The following SGSM1 variants were observed in gnomAD, a reference collection of about 807,000 sequenced individuals.
The protein encoded by SGSM1 is small G protein signaling modulator 1.
SGSM1 carries 73 observed loss-of-function variants against 133.8 expected under a neutral mutation model. That is an observed-to-expected ratio of 0.55 (90% CI 0.45 to 0.66). The LOEUF is 0.66. Ranked by LOEUF, SGSM1 falls within the 30% of genes least tolerant of loss-of-function variation. SGSM1 has a pLI of 0.00. For synonymous variants in SGSM1, 563 were observed against 573.0 expected, an observed-to-expected ratio of 0.98 and a Z score of 0.25; for missense variants, 1,213 against 1,448.1, an observed-to-expected ratio of 0.84 and a Z score of 2.64.
intron 22 of SGSM1, among the ~76,000 whole-genome samples, chr22:24,914,912 G>T (rs571195389): frequency 2.6e-5 from 4 of 152,060 alleles, no homozygotes; most frequent in Admixed American, 6.6e-5. Flanking sequence ...TGGGGAATTT[G>T]GGGTTTTGTT....
At chr22:24,850,502 C>G (rs753397173) in intron 5 of SGSM1, 70 bp downstream of exon 5, 37 of 1,573,170 alleles carry the variant, frequency 2.4e-5, no homozygotes, top group Non-Finnish European at 3.2e-5. Flanking sequence ...AAATTGCACC[C>G]CCTGGCACAA....
chr22:24,879,612 C>G, intron 14 of SGSM1, 86 bp downstream of exon 14: 1 of 1,352,490 alleles, frequency 7.4e-7, no homozygotes, highest in East Asian at 2.5e-5. Context: ...AAGATACTGG[C>G]TCTGGAGTTT....
chr22:24,859,883 T>C, intron 9 of SGSM1, 43 bp downstream of exon 9: 2 of 1,609,610 alleles, frequency 1.2e-6, no homozygotes, highest in Non-Finnish European at 1.7e-6. Context: ...GTCCCTCCAC[T>C]CGCCTTGGCA....
chr22:24,859,350 C>T (rs1477478340), intron 8 of SGSM1, among the ~76,000 whole-genome samples: 1 of 152,128 alleles, frequency 6.6e-6, no homozygotes, highest in Non-Finnish European at 1.5e-5. Context: ...TAAGCCTAGC[C>T]AAGATAAATG....
At chr22:24,912,538 C>A (rs557811133) in intron 21 of SGSM1, 105 bp from the exon 22 acceptor site, 2 of 749,204 alleles carry the variant, frequency 2.7e-6, no homozygotes, top group East Asian at 5.5e-5. Context: ...AGGTCCACCC[C>A]CAACATTGGA....
At chr22:24,863,929 C>G (rs1461277297) in intron 9 of SGSM1, among the ~76,000 whole-genome samples, 1 of 151,688 alleles carries the variant, frequency 6.6e-6, no homozygotes, top group Non-Finnish European at 1.5e-5. Flanking sequence ...TTAGTAGAGA[C>G]GGGGTTTTTC....
chr22:24,817,050 G>A (rs770764540), intron 2 of SGSM1, among the ~76,000 whole-genome samples: 5 of 152,116 alleles, frequency 3.3e-5, no homozygotes, highest in Non-Finnish European at 5.9e-5. Context: ...GTAAGGAAAC[G>A]GACACCAGAG....
chr22:24,812,912 C>T (rs1284068666), intron 2 of SGSM1, among the ~76,000 whole-genome samples: 7 of 152,024 alleles, frequency 4.6e-5, no homozygotes, highest in Non-Finnish European at 1.0e-4. Flanking sequence ...TGCTCATATG[C>T]CCTCATTCAG....
At chr22:24,849,162 G>A (rs1930312767) in intron 4 of SGSM1, among the ~76,000 whole-genome samples, 1 of 151,774 alleles carries the variant, frequency 6.6e-6, no homozygotes, top group African/African-American at 2.4e-5. Context: ...TCCTCTATAC[G>A]TCAGCCAGTG....
intron 18 of SGSM1, 113 bp from the exon 19 acceptor site, chr22:24,897,859 A>C (rs1361810266): frequency 1.1e-6 from 1 of 910,306 alleles, no homozygotes; most frequent in Non-Finnish European, 1.7e-6. Flanking sequence ...ATTCCACTGC[A>C]TGCTTGATCC....
In SGSM1 at chr22:24,927,188, T is replaced by C. The variant is rs2123763313; in HGVS notation, c.*2914T>C. ...TGTCTGTGGTCAGCTGATGTCCAGA[T>C]AGGCAACTCTGCTTCTGATGGTTGT... On this transcript the variant is annotated 3_prime_UTR_variant, in exon 25 of 25. Coordinates refer to ENST00000400358, the MANE Select transcript of SGSM1 (RefSeq NM_001098497.3). The C allele has an allele frequency of 6.6e-6, 1 of 152,332 alleles. No homozygotes were observed. The highest frequency in any genetic ancestry group is 1.5e-5 in the Non-Finnish European group (1 of 68,040). 9.4% of individuals were successfully genotyped at this position (152,332 alleles called of 1,614,324 possible). A position where few individuals can be genotyped will look rare whatever the true frequency, so the allele number is the denominator to read the frequency against.
At chr22:24,898,673 A>T (rs1410590478) in intron 19 of SGSM1, 114 bp downstream of exon 19, 1 of 1,038,018 alleles carries the variant, frequency 9.6e-7, no homozygotes, top group East Asian at 2.5e-5. Context: ...GGTTCGTTGC[A>T]TTTTTTCCGT....
intron 18 of SGSM1, 23 bp from the exon 19 acceptor site, chr22:24,897,949 G>GT (rs1384408854): frequency 1.3e-6 from 2 of 1,561,178 alleles, no homozygotes; most frequent in Non-Finnish European, 1.7e-6. Flanking sequence ...CGGTCCATCT[G>GT]TTTTTGTGCA....
rs920896189 is a variant in SGSM1, at chr22:24,844,975, G to A, written c.139+3G>A. On this transcript the variant is annotated splice_donor_region_variant and intron_variant, in intron 3 of 24. Coordinates refer to ENST00000400358, the MANE Select transcript of SGSM1 (RefSeq NM_001098497.3). ...CAGCCACATCATCTCCTTCTGTGGT[G>A]AGTCTGTGACCTGGGAAAGTGGCTT... 7.4e-6 allele frequency: 12 copies of A among 1,613,658 alleles called. No individual in the cohort carries two copies. Among genetic ancestry groups the A allele is most frequent in the Non-Finnish European group, 1.0e-5 (12 of 1,179,830 alleles).
intron 2 of SGSM1, among the ~76,000 whole-genome samples, chr22:24,812,348 G>A (rs1421543007): frequency 6.6e-6 from 1 of 152,108 alleles, no homozygotes; most frequent in Non-Finnish European, 1.5e-5. Context: ...CATGATAGAT[G>A]AGGAACTGGA....
intron 12 of SGSM1, among the ~76,000 whole-genome samples, chr22:24,869,647 G>T (rs891477406): frequency 1.3e-5 from 2 of 152,304 alleles, no homozygotes; most frequent in Non-Finnish European, 2.9e-5. Flanking sequence ...GAGATGATGA[G>T]ATATTCATTG....
At position 24,823,532 on chromosome 22, in the gene SGSM1, C is replaced by T. The variant is rs149930904; in HGVS notation, c.63+17048C>T. Among the ~76,000 whole-genome samples the T allele has an allele frequency of 5.8e-3, 889 of 152,044 alleles. 9 individuals are homozygous for T. Among genetic ancestry groups the T allele is most frequent in the African/African-American group, 0.02 (841 of 41,460 alleles). ...AGGAGAATGACGGGAACCTGGGAGG[C>T]GGAGCTTGCAGTGAGCCGAAATTGC... On this transcript the variant is annotated intron_variant, in intron 2 of 24. Coordinates refer to ENST00000400358, the MANE Select transcript of SGSM1 (RefSeq NM_001098497.3).
intron 22 of SGSM1, among the ~76,000 whole-genome samples, chr22:24,914,196 G>A (rs1176262154): frequency 3.3e-5 from 5 of 151,450 alleles, no homozygotes; most frequent in African/African-American, 1.2e-4. Context: ...AGGAGGCTGA[G>A]GCAGGAGAAT....
At chr22:24,829,347 CAA>C (rs1285694996) in intron 2 of SGSM1, among the ~76,000 whole-genome samples, 1 of 151,862 alleles carries the variant, frequency 6.6e-6, no homozygotes, top group African/African-American at 2.4e-5. Context: ...CGTATGGACA[CAA>C]AGAGGGGAGC....
Sources: gnomAD v4.1 joint callset for allele counts (sites outside exome capture counted in the v4.1 genomes callset) on GRCh38, gnomAD v4.1.1 for gene constraint, MANE v1.5 for transcripts, NCBI Gene and HGNC (gene_info 2026-07-23, HGNC 2026-07-21) for gene names.